Variants in ZNF33A observed in about 807,000 individuals in gnomAD.
ZNF33A encodes the protein brain my041 protein.
A neutral mutation model predicts 15.9 loss-of-function variants in ZNF33A; 9 were observed. That is an observed-to-expected ratio of 0.57 (90% CI 0.34 to 0.99). The LOEUF is 0.99. Among genes scored for constraint, ZNF33A ranks in the 50% least tolerant of loss-of-function variants. The pLI, the probability that ZNF33A is intolerant of heterozygous loss-of-function variation, is 0.02. For synonymous variants in ZNF33A, 294 were observed against 324.2 expected (o/e 0.91, Z 1.00); for missense variants, 843 against 941.6 (o/e 0.90, Z 1.37).
At position 38,055,268 on chromosome 10, in the gene ZNF33A, G is replaced by T; in HGVS notation, c.1144G>T (p.Glu382Ter). The change falls in exon 5 of 5, where the codon GAG becomes TAG. Residue 382 changes from glutamate (E) to a stop codon, truncating the protein, a stop_gained. Coordinates refer to ENST00000432900, the MANE Select transcript of ZNF33A (RefSeq NM_006954.2). LOFTEE classifies it low-confidence loss of function (END_TRUNC). Reference sequence around the variant, plus strand: ...TAAACATCAAAGATCACACACAGGGGAGAAACCTTTTGAATGCAATGAATG... The same window carrying T: ...TAAACATCAAAGATCACACACAGGGTAGAAACCTTTTGAATGCAATGAATG... ...LTKHQRSHTG[E>*]KPFECNECGK... 6.2e-7 allele frequency: 1 copy of T among 1,614,058 alleles called. No individual in the cohort carries two copies. The highest frequency in any genetic ancestry group is 8.5e-7 in the Non-Finnish European group (1 of 1,179,978).
At chr10:38,052,781 T>C (rs1453812220) in intron 4 of ZNF33A, among the ~76,000 whole-genome samples, 2 of 152,200 alleles carry the variant, frequency 1.3e-5, no homozygotes, top group East Asian at 3.9e-4. Flanking sequence ...TTTTCTTCAA[T>C]TTTCACATCT....
At chr10:38,042,917 T>C (rs554846333) in intron 4 of ZNF33A, among the ~76,000 whole-genome samples, 1 of 152,312 alleles carries the variant, frequency 6.6e-6, no homozygotes, top group East Asian at 1.9e-4. Flanking sequence ...TTATAAACAT[T>C]GACTTATACA....
At chr10:38,044,982 A>G (rs1353200136) in intron 4 of ZNF33A, among the ~76,000 whole-genome samples, 5 of 152,136 alleles carry the variant, frequency 3.3e-5, no homozygotes, top group Non-Finnish European at 5.9e-5. Context: ...CATATTTATA[A>G]TAGCTGCTTT....
At chr10:38,025,905 C>T (rs975284135) in intron 4 of ZNF33A, among the ~76,000 whole-genome samples, 33 of 152,108 alleles carry the variant, frequency 2.2e-4, no homozygotes, top group Non-Finnish European at 2.9e-5. Context: ...AACAGAAACC[C>T]TATTGCTATT....
At chr10:38,026,398 G>C (rs375250129) in intron 4 of ZNF33A, among the ~76,000 whole-genome samples, 1 of 152,134 alleles carries the variant, frequency 6.6e-6, no homozygotes, top group African/African-American at 2.4e-5. Flanking sequence ...GCAGTGGTGC[G>C]ATCTCGGCTC....
At position 38,055,017 on chromosome 10, in the gene ZNF33A, T is replaced by G. The variant is rs1197729890; in HGVS notation, c.893T>G (p.Met298Arg). The change falls in exon 5 of 5, where the codon ATG becomes AGG. Residue 298 changes from methionine to arginine, a missense_variant. By Grantham distance (91) the Met-to-Arg change is moderately conservative. Transcript: ENST00000432900. ...STLSKPHGVS[M>R]KHYDCGESGN... is the part of the protein sequence containing the mutation. ...CTTTCTAAACCTCATGGGGTATCTA[T>G]GAAACACTATGATTGTGGTGAAAGT... 6.2e-7 allele frequency: 1 copy of G among 1,614,134 alleles called. No individual in the cohort carries two copies. The highest frequency in any genetic ancestry group is 1.1e-5 in the South Asian group (1 of 91,080).
downstream of ZNF33A, among the ~76,000 whole-genome samples, chr10:38,066,888 C>G (rs2066714419): frequency 6.6e-6 from 1 of 152,112 alleles, no homozygotes. Flanking sequence ...GCTGAGATTG[C>G]ATCACTGCAC....
Position 38,049,471 on chromosome 10 carries a change from G to C in ZNF33A, c.251-4904G>C, listed in dbSNP as rs547901093. ...TGCATTGTGTGTGTTTGTATTATGTGCGTATATATCTACCATATGTAAATG... is the reference window on the plus strand; with the variant it reads ...TGCATTGTGTGTGTTTGTATTATGTCCGTATATATCTACCATATGTAAATG... On this transcript the variant is annotated intron_variant, in intron 4 of 4. Coordinates refer to ENST00000432900, the MANE Select transcript of ZNF33A (RefSeq NM_006954.2). 6.6e-5 allele frequency among the ~76,000 whole-genome samples: 10 copies of C among 152,104 alleles called. No homozygotes were observed. In the East Asian group the frequency reaches 1.9e-3, roughly 29 times the overall value.
At chr10:38,066,231 T>C (rs1169825923), downstream of ZNF33A, among the ~76,000 whole-genome samples, 3 of 152,164 alleles carry the variant, frequency 2.0e-5, no homozygotes, top group Admixed American at 6.5e-5. Flanking sequence ...TTGTGATCTT[T>C]CCAGCTATTT....
chr10:38,017,371 A>C lies in ZNF33A; in HGVS notation c.235A>C (p.Ser79Arg). 1.2e-6 allele frequency: 2 copies of C among 1,613,846 alleles called. No individual in the cohort carries two copies. The highest frequency in any genetic ancestry group is 1.7e-6 in the Non-Finnish European group (2 of 1,179,750). The change falls in exon 4 of 5, where the codon AGC becomes CGC. Residue 79 changes from serine (S) to arginine (R), a missense_variant. Coordinates refer to ENST00000432900, the MANE Select transcript of ZNF33A (RefSeq NM_006954.2). ...ATGGAAACAGGAGGAAGAATTCCCAAGCCAAAGCTTTCCAGGTGAGTTAAT... is the reference window on the plus strand; with the variant it reads ...ATGGAAACAGGAGGAAGAATTCCCACGCCAAAGCTTTCCAGGTGAGTTAAT... ...EPWKQEEEFP[S>R]QSFPEVWTAD...
In ZNF33A at chr10:38,055,396, G is replaced by A. The variant is rs2066422424; in HGVS notation, c.1272G>A (p.Gln424=). The part of the protein sequence containing the change: ...QCNACGKTFC[Q]KSDLTKHQRT... ...ATGCGTGTGGGAAAACTTTTTGCCA[G>A]AAATCTGACCTCACTAAACATCAGA... The change falls in exon 5 of 5, where the codon CAG becomes CAA. Residue 424 remains glutamine, a synonymous_variant. Transcript: ENST00000432900. 1 of 1,613,782 alleles carries A rather than the reference G, an allele frequency of 6.2e-7. No individual in the cohort carries two copies. Among genetic ancestry groups the A allele is most frequent in the African/African-American group, 1.3e-5 (1 of 74,842 alleles).
chr10:38,047,624 C>CAAAAAAAAAAAAAAAAAAAAA (rs554054575), intron 4 of ZNF33A, among the ~76,000 whole-genome samples: 5 of 75,004 alleles, frequency 6.7e-5, no homozygotes, highest in African/African-American at 1.0e-4. Context: ...GACTCTGTCT[C>CAAAAAAAAAAAAAAAAAAAAA]AAAAAAAAAA....
chr10:38,010,690 T>A lies in ZNF33A; in HGVS notation c.-138T>A. ...CTACGTCTGCGTTTCCGCCTTTCCT[T>A]TTGTTTTTCTCAGGTTTTGCGTGGG... On this transcript the variant is annotated 5_prime_UTR_variant, in exon 1 of 5. Coordinates refer to ENST00000432900, the MANE Select transcript of ZNF33A (RefSeq NM_006954.2). 6.3e-7 allele frequency: 1 copy of A among 1,595,204 alleles called. No individual in the cohort carries two copies. The highest frequency in any genetic ancestry group is 8.5e-7 in the Non-Finnish European group (1 of 1,177,120).
rs755358305 is a variant in ZNF33A at position 38,057,452 on chromosome 10, G to T, written c.*892G>T. ...GTATAAGTGGTATGTGATATAAATCGTGTGTTTCATATGCATAATGGAATT... is the reference window on the plus strand; with the variant it reads ...GTATAAGTGGTATGTGATATAAATCTTGTGTTTCATATGCATAATGGAATT... On this transcript the variant is annotated 3_prime_UTR_variant, in exon 5 of 5. Transcript: ENST00000432900. 20 of 985,244 alleles carry T rather than the reference G, an allele frequency of 2.0e-5. No homozygotes were observed. The highest frequency in any genetic ancestry group is 1.8e-4 in the Admixed American group (3 of 16,258). 61.0% of individuals were successfully genotyped at this position (985,244 alleles called of 1,614,324 possible). A position where few individuals can be genotyped will look rare whatever the true frequency, so the allele number is the denominator to read the frequency against.
intron 4 of ZNF33A, among the ~76,000 whole-genome samples, chr10:38,030,287 T>A (rs2065156544): frequency 6.6e-6 from 1 of 152,164 alleles, no homozygotes; most frequent in Non-Finnish European, 1.5e-5. Context: ...TTATGTTCCA[T>A]CAAAAAAATT....
intron 4 of ZNF33A, among the ~76,000 whole-genome samples, chr10:38,035,577 A>G (rs2065413166): frequency 6.6e-6 from 1 of 152,162 alleles, no homozygotes; most frequent in African/African-American, 2.4e-5. Context: ...TCTCTTTCCA[A>G]AGTAATTAAG....
rs1772792470 is a variant in ZNF33A at position 38,059,223 on chromosome 10, G to A, written c.*2663G>A. ...AGGAGAACTTACTCAAGTTGGTAAA[G>A]AACATACTACAAAAAACCCTACAGC... On this transcript the variant is annotated 3_prime_UTR_variant, in exon 5 of 5. Coordinates refer to ENST00000432900, the MANE Select transcript of ZNF33A (RefSeq NM_006954.2). 2 of 152,164 alleles carry A rather than the reference G, an allele frequency of 1.3e-5. No individual in the cohort carries two copies. Among genetic ancestry groups the A allele is most frequent in the Non-Finnish European group, 1.5e-5 (1 of 68,030 alleles). The allele number at this position is 152,164 out of a possible 1,614,324, so 9.4% of individuals were successfully genotyped here.
Position 38,056,161 on chromosome 10 carries a change from A to T in ZNF33A, c.2037A>T (p.Gly679=), listed in dbSNP as rs1438605900. The part of the protein sequence containing the change: ...ECGKSFCVKS[G]LIFHERKHTG... ...GAAAATCTTTCTGTGTAAAATCAGG[A>T]CTTATTTTCCATGAGAGAAAGCACA... The change falls in exon 5 of 5, where the codon GGA becomes GGT. Residue 679 remains glycine, a synonymous_variant. Transcript: ENST00000432900. The T allele has an allele frequency of 1.2e-6, 2 of 1,613,956 alleles. No individual in the cohort carries two copies. Among genetic ancestry groups the T allele is most frequent in the Non-Finnish European group, 1.7e-6 (2 of 1,179,948 alleles).
At chr10:38,067,708 C>T (rs1171608031), downstream of ZNF33A, among the ~76,000 whole-genome samples, 2 of 152,168 alleles carry the variant, frequency 1.3e-5, no homozygotes, top group Middle Eastern at 3.2e-3. Flanking sequence ...ATCCAGAGAT[C>T]CACACCAAAA....
Sources: allele counts gnomAD v4.1 joint callset (sites outside exome capture counted in the v4.1 genomes callset), GRCh38; gene constraint gnomAD v4.1.1; transcripts MANE v1.5; gene names NCBI Gene and HGNC (gene_info 2026-07-23, HGNC 2026-07-21).